Variants in CDH23 observed in about 807,000 individuals in gnomAD.
CDH23 encodes cadherin related 23, also known as cadherin-23.
A neutral mutation model predicts 317.1 loss-of-function variants in CDH23; 189 were observed. The ratio of observed to expected loss-of-function variants is 0.60; its 90% CI spans 0.53 to 0.67. The LOEUF is 0.67. Among genes scored for constraint, CDH23 ranks in the 30% least tolerant of loss-of-function variants. The probability of loss-of-function intolerance (pLI) is 0.00; values close to 1 mark genes in which losing one functional copy is unlikely to be tolerated. For synonymous variants in CDH23, 1,839 were observed against 1,876.8 expected (o/e 0.98, Z 0.52); for missense variants, 4,401 against 4,592.4 (o/e 0.96, Z 1.20).
chr10:71,574,220 C>T (rs1044565930), intron 8 of CDH23, among the ~76,000 whole-genome samples: 7 of 152,064 alleles, frequency 4.6e-5, no homozygotes, highest in African/African-American at 1.4e-4. Context: ...GTATGCCTCC[C>T]CCTATCAGCG....
At chr10:71,718,480 C>G (rs562015657) in intron 28 of CDH23, among the ~76,000 whole-genome samples, 1 of 152,362 alleles carries the variant, frequency 6.6e-6, no homozygotes, top group Admixed American at 6.5e-5. Context: ...GGCATCAGGC[C>G]TAGAGAGCAC....
intron 6 of CDH23, among the ~76,000 whole-genome samples, chr10:71,547,575 A>G (rs1856352355): frequency 6.6e-6 from 1 of 152,186 alleles, no homozygotes; most frequent in African/African-American, 2.4e-5. Context: ...CAGGGCATTC[A>G]TAGCGCCACG....
At chr10:71,449,936 C>T (rs1484671297) in intron 3 of CDH23, among the ~76,000 whole-genome samples, 5 of 152,210 alleles carry the variant, frequency 3.3e-5, no homozygotes, top group Non-Finnish European at 5.9e-5. Flanking sequence ...TTTTGAAGAC[C>T]GTCTACCAGC....
At chr10:71,811,188 C>A in intron 62 of CDH23, 127 bp from the exon 63 acceptor site, 1 of 1,379,930 alleles carries the variant, frequency 7.2e-7, no homozygotes, top group Non-Finnish European at 1.0e-6. Context: ...CTGTCCCAGC[C>A]GGTGGACCTC....
intron 44 of CDH23, 117 bp downstream of exon 44, chr10:71,785,855 A>C: frequency 1.4e-6 from 1 of 728,246 alleles, no homozygotes; most frequent in Admixed American, 2.0e-5. Flanking sequence ...CTTTGGAGTG[A>C]GCACGTGCTG....
chr10:71,790,959 G>A lies in CDH23; in HGVS notation c.6050-173G>A, dbSNP rs998624090. Among the ~76,000 whole-genome samples, 11 of 152,200 alleles carry A rather than the reference G, an allele frequency of 7.2e-5. No individual in the cohort carries two copies. The East Asian group carries it at 9.6e-4, about 13-fold the overall frequency. ...AATGCATGGGGCCCTCCCTCAGCAC[G>A]GGTGGTTGAGCCTGTGGGGGAGAAA... On this transcript the variant is annotated intron_variant, in intron 46 of 69. Coordinates refer to ENST00000224721, the MANE Select transcript of CDH23 (RefSeq NM_022124.6).
intron 1 of CDH23, among the ~76,000 whole-genome samples, chr10:71,398,431 GTGTGTGT>G (rs1847627375): frequency 1.4e-5 from 1 of 70,152 alleles, no homozygotes. Context: ...ACACAGGAGT[GTGTGTGT>G]GTGTGTGTGT....
intron 1 of CDH23, among the ~76,000 whole-genome samples, chr10:71,422,272 C>T (rs940382113): frequency 3.9e-5 from 6 of 152,168 alleles, no homozygotes; most frequent in Admixed American, 1.3e-4. Context: ...GGAGCCTTTG[C>T]CCTGTGGTGC....
intron 3 of CDH23, among the ~76,000 whole-genome samples, chr10:71,500,018 CAAAAAAAAAA>C (rs34690494): frequency 3.2e-5 from 3 of 94,864 alleles, no homozygotes; most frequent in South Asian, 4.1e-4. Context: ...GACTCCATCT[CAAAAAAAAAA>C]AAAAAAAAAA....
At chr10:71,554,633 C>A (rs1386131860) in intron 6 of CDH23, among the ~76,000 whole-genome samples, 1 of 152,130 alleles carries the variant, frequency 6.6e-6, no homozygotes, top group African/African-American at 2.4e-5. Flanking sequence ...GGACTACAGG[C>A]TAGCTTTTTA....
intron 3 of CDH23, among the ~76,000 whole-genome samples, chr10:71,497,799 G>C (rs1425851746): frequency 6.6e-6 from 1 of 152,178 alleles, no homozygotes; most frequent in Non-Finnish European, 1.5e-5. Context: ...TGTTGAGCTG[G>C]TTGACTGTGG....
At chr10:71,700,157 C>T (rs545742987) in intron 22 of CDH23, among the ~76,000 whole-genome samples, 4 of 152,214 alleles carry the variant, frequency 2.6e-5, no homozygotes, top group Admixed American at 6.5e-5. Flanking sequence ...GAGGCCGAGG[C>T]GGGAGGATCA....
intron 11 of CDH23, among the ~76,000 whole-genome samples, chr10:71,638,514 G>A (rs1184058459): frequency 6.6e-6 from 1 of 152,210 alleles, no homozygotes; most frequent in Non-Finnish European, 1.5e-5. Flanking sequence ...CGCCAGTGCT[G>A]AGAGCCCTCA....
In CDH23 at chr10:71,808,117, GC is replaced by G. The variant is rs1841795976; in HGVS notation, c.8722+116del. On this transcript the variant is annotated intron_variant, in intron 60 of 69. Coordinates refer to ENST00000224721, the MANE Select transcript of CDH23 (RefSeq NM_022124.6). ...GTGGGAGCACCACAGGATATGGGTGGCCCCCCAGCCAGCCACACCAATCCTA... is the reference window on the plus strand; with the variant it reads ...GTGGGAGCACCACAGGATATGGGTGGCCCCCAGCCAGCCACACCAATCCTA... The G allele has an allele frequency of 3.0e-6, 4 of 1,333,558 alleles. 1 individual carries two copies. In the African/African-American group the frequency reaches 4.3e-5, roughly 14 times the overall value. The allele number at this position is 1,333,558 out of a possible 1,614,324, so 82.6% of individuals were successfully genotyped here. A position where few individuals can be genotyped will look rare whatever the true frequency, so the allele number is the denominator to read the frequency against.
chr10:71,466,117 T>C (rs1444613772), intron 3 of CDH23, among the ~76,000 whole-genome samples: 1 of 152,068 alleles, frequency 6.6e-6, no homozygotes, highest in Non-Finnish European at 1.5e-5. Flanking sequence ...CTTGCAGGGG[T>C]GTGCCCTGTG....
intron 44 of CDH23, among the ~76,000 whole-genome samples, chr10:71,788,569 C>T (rs1342587007): frequency 6.6e-6 from 1 of 151,944 alleles, no homozygotes; most frequent in Admixed American, 6.6e-5. Flanking sequence ...CATTCTCCTG[C>T]CTCAGCCTCC....
Position 71,798,403 on chromosome 10 carries a change from C to G in CDH23, c.6879C>G (p.Phe2293Leu). Residue 2293 changes from phenylalanine (F) to leucine (L), a missense_variant, in exon 50 of 70, where the codon TTC (phenylalanine) becomes TTG (leucine). Phe to Leu is a conservative substitution (Grantham distance 22). This residue lies in a region of CDH23 where 3,068 missense variants were observed against 3,203.3 expected (regional missense o/e 0.96). Transcript: ENST00000224721. The stretch of plus-strand genomic sequence containing the variant: ...ACGTCAATGACAATACGCCCCAGTT[C>G]AAGCCCTTTGGGATCACCTACTACA... The part of the protein sequence containing the change: ...VLDVNDNTPQ[F>L]KPFGITYYME... 1 of 1,613,986 alleles carries G rather than the reference C, an allele frequency of 6.2e-7. No homozygotes were observed. The highest frequency in any genetic ancestry group is 8.5e-7 in the Non-Finnish European group (1 of 1,179,856).
At chr10:71,398,560 A>G (rs1269773200) in intron 1 of CDH23, among the ~76,000 whole-genome samples, 3 of 151,228 alleles carry the variant, frequency 2.0e-5, no homozygotes, top group African/African-American at 7.3e-5. Context: ...AGTTGGGGCC[A>G]GTTGCATGGT....
intron 3 of CDH23, among the ~76,000 whole-genome samples, chr10:71,498,632 T>A (rs1564617117): frequency 6.6e-6 from 1 of 152,214 alleles, no homozygotes; most frequent in African/African-American, 2.4e-5. Context: ...GTGGAGGATG[T>A]CAACAGGAGG....
Sources: gnomAD v4.1 joint callset for allele counts (sites outside exome capture counted in the v4.1 genomes callset) on GRCh38, gnomAD v4.1.1 for gene constraint, gnomAD v4.1.1 regional missense constraint, MANE v1.5 for transcripts, NCBI Gene and HGNC (gene_info 2026-07-23, HGNC 2026-07-21) for gene names.